MTSS1: variants seen among roughly 807,000 people sequenced by gnomAD.
MTSS1 encodes MTSS I-BAR domain containing 1.
In MTSS1, 18 loss-of-function variants were observed where a neutral mutation model predicts 79.0. That is an observed-to-expected ratio of 0.23 (90% CI 0.16 to 0.34). The LOEUF (loss-of-function observed/expected upper bound fraction) is 0.34, where lower values mean the gene tolerates loss of function less well. MTSS1 is among the 10% of genes least tolerant of loss of function. The probability of loss-of-function intolerance (pLI) is 1.00; values close to 1 mark genes in which losing one functional copy is unlikely to be tolerated. For missense variants in MTSS1, 815 were observed against 986.2 expected (o/e 0.83, Z 2.33); for synonymous variants, 341 against 368.6 (o/e 0.93, Z 0.86).
chr8:124,597,379 T>C lies in MTSS1; in HGVS notation c.209-6144A>G, dbSNP rs1832945775. On this transcript the variant is annotated intron_variant, in intron 3 of 13. Coordinates refer to ENST00000518547, the MANE Select transcript of MTSS1 (RefSeq NM_014751.6). The surrounding 1 kb of genome is among the most constrained non-coding windows in gnomAD (Gnocchi z 4.6). ...ACGACAAGCTGGAGACATTCCCAGC[T>C]GAGGACAAAGAGGCACATTAAAGTC... Among the ~76,000 whole-genome samples the C allele has an allele frequency of 6.6e-6, 1 of 152,152 alleles. No homozygotes were observed. The highest frequency in any genetic ancestry group is 1.5e-5 in the Non-Finnish European group (1 of 68,028).
At chr8:124,626,779 G>C (rs765070521) in intron 3 of MTSS1, among the ~76,000 whole-genome samples, 59 of 152,034 alleles carry the variant, frequency 3.9e-4, no homozygotes, top group Non-Finnish European at 7.4e-4. Flanking sequence ...TGGGTTCCAG[G>C]TTTCTTCCTA....
chr8:124,669,393 ACACAGCCCAG>A (rs778407764), intron 3 of MTSS1, among the ~76,000 whole-genome samples: 2 of 152,236 alleles, frequency 1.3e-5, no homozygotes, highest in Non-Finnish European at 2.9e-5. Context: ...TGATACAACC[ACACAGCCCAG>A]CATTTACAGT....
chr8:124,607,141 A>G (rs1329633085), intron 3 of MTSS1, among the ~76,000 whole-genome samples: 1 of 152,182 alleles, frequency 6.6e-6, no homozygotes, highest in Non-Finnish European at 1.5e-5. Flanking sequence ...TTCGCGTTCT[A>G]CGCTCGTAAT....
intron 3 of MTSS1, among the ~76,000 whole-genome samples, chr8:124,633,693 C>G (rs536597972): frequency 1.8e-3 from 275 of 152,018 alleles, no homozygotes; most frequent in African/African-American, 6.2e-3. Flanking sequence ...TCACTTGAAC[C>G]CAGGAGGCGG....
At chr8:124,570,199 A>G (rs1827445068) in intron 6 of MTSS1, among the ~76,000 whole-genome samples, 2 of 152,258 alleles carry the variant, frequency 1.3e-5, no homozygotes, top group South Asian at 2.1e-4. Flanking sequence ...TTAGCACATT[A>G]TGAGAAAATT....
At chr8:124,725,355 C>CCTTT (rs10629955) in intron 1 of MTSS1, among the ~76,000 whole-genome samples, 132,708 of 151,882 alleles carry the variant, frequency 0.87, 58,256 homozygotes, top group African/African-American at 0.96. Flanking sequence ...GAAATTATTC[C>CCTTT]TTTTATTGTT....
intron 3 of MTSS1, among the ~76,000 whole-genome samples, chr8:124,630,785 TA>T (rs1178239104): frequency 1.3e-5 from 2 of 152,134 alleles, no homozygotes; most frequent in African/African-American, 4.8e-5. Context: ...GCACAAAATC[TA>T]ATACAAAAAA....
chr8:124,709,607 G>A (rs756878727), intron 1 of MTSS1, among the ~76,000 whole-genome samples: 18 of 152,316 alleles, frequency 1.2e-4, no homozygotes, highest in Non-Finnish European at 2.2e-4. Flanking sequence ...CAGTGCGTTC[G>A]TTGAAAATAC....
intron 5 of MTSS1, 119 bp downstream of exon 5, chr8:124,589,501 T>G: frequency 1.4e-6 from 1 of 701,330 alleles, no homozygotes; most frequent in Non-Finnish European, 2.4e-6. Flanking sequence ...AGGGACAGAG[T>G]GGGCCCTTGG....
chr8:124,717,278 G>A (rs1832181482), intron 1 of MTSS1, among the ~76,000 whole-genome samples: 1 of 151,514 alleles, frequency 6.6e-6, no homozygotes, highest in Non-Finnish European at 1.5e-5. Context: ...GATCACTTGA[G>A]ATTAGGAGTT....
At chr8:124,564,352 T>C (rs986670963) in intron 9 of MTSS1, among the ~76,000 whole-genome samples, 1 of 152,124 alleles carries the variant, frequency 6.6e-6, no homozygotes, top group Non-Finnish European at 1.5e-5. Flanking sequence ...ATCTGGCAGC[T>C]AATAAGGTAC....
In MTSS1 at chr8:124,622,200, C is replaced by T. The variant is rs192537228; in HGVS notation, c.209-30965G>A. On this transcript the variant is annotated intron_variant, in intron 3 of 13. Transcript: ENST00000518547. ...TATGCTAAGTGAAAGAAACCAGACA[C>T]AGAAAGACAAACACTGCATGACCTT... 1.3e-3 allele frequency among the ~76,000 whole-genome samples: 195 copies of T among 152,066 alleles called. 1 individual carries two copies. Among genetic ancestry groups the T allele is most frequent in the Admixed American group, 6.2e-3 (94 of 15,284 alleles).
chr8:124,572,324 A>G (rs1827950928), intron 6 of MTSS1, among the ~76,000 whole-genome samples: 2 of 152,208 alleles, frequency 1.3e-5, no homozygotes, highest in Non-Finnish European at 2.9e-5. Context: ...CTAAAACTAC[A>G]ATGTTTATTT....
chr8:124,718,100 C>A (rs2288665), intron 1 of MTSS1, among the ~76,000 whole-genome samples: 1 of 151,994 alleles, frequency 6.6e-6, no homozygotes, highest in African/African-American at 2.4e-5. Flanking sequence ...ATGTGCGAGC[C>A]CTTGTGAGTG....
intron 1 of MTSS1, among the ~76,000 whole-genome samples, chr8:124,705,845 T>C (rs1444747361): frequency 1.3e-5 from 2 of 152,236 alleles, no homozygotes; most frequent in Non-Finnish European, 2.9e-5. Context: ...ACATTTAAGA[T>C]GTTTAGCAGT....
In MTSS1 at chr8:124,617,787, G is replaced by A. The variant is rs114388648; in HGVS notation, c.209-26552C>T. ...TTTACCACCATGTTTTATACTCCTC[G>A]CTTGAAGTAGTAACCTGGTGCTAAG... On this transcript the variant is annotated intron_variant, in intron 3 of 13. Transcript: ENST00000518547. 4.0e-3 allele frequency among the ~76,000 whole-genome samples: 602 copies of A among 152,166 alleles called. 3 individuals carry two copies. The highest frequency in any genetic ancestry group is 0.014 in the African/African-American group (567 of 41,526).
intron 1 of MTSS1, among the ~76,000 whole-genome samples, chr8:124,713,211 C>T (rs1050719432): frequency 6.6e-6 from 1 of 152,208 alleles, no homozygotes; most frequent in African/African-American, 2.4e-5. Context: ...CAGAACATCT[C>T]TACCACTGCA....
At chr8:124,631,001 TA>T (rs766558288) in intron 3 of MTSS1, among the ~76,000 whole-genome samples, 6 of 152,122 alleles carry the variant, frequency 3.9e-5, no homozygotes, top group Admixed American at 1.3e-4. Context: ...ATCACTGAGA[TA>T]AAAAGTTACC....
chr8:124,559,151 T>A (rs112977738), intron 10 of MTSS1, among the ~76,000 whole-genome samples: 2 of 152,210 alleles, frequency 1.3e-5, no homozygotes, highest in African/African-American at 4.8e-5. Flanking sequence ...GAAGCATGCC[T>A]GGCACCGAAA....
Sources: gnomAD v4.1 joint callset for allele counts (sites outside exome capture counted in the v4.1 genomes callset) on GRCh38, gnomAD v4.1.1 for gene constraint, Gnocchi (gnomAD v3.1) non-coding constraint, MANE v1.5 for transcripts, NCBI Gene and HGNC (gene_info 2026-07-23, HGNC 2026-07-21) for gene names.